CMPK2: variants seen among roughly 807,000 people sequenced by gnomAD.
CMPK2 encodes cytidine/uridine monophosphate kinase 2.
In CMPK2, 32 loss-of-function variants were observed where a neutral mutation model predicts 33.4. The observed-to-expected ratio is 0.96, with a 90% confidence interval of 0.72 to 1.29. The LOEUF is 1.29. CMPK2 is among the 50% of genes most tolerant of loss of function. CMPK2 has a pLI of 0.00. For missense variants in CMPK2, 672 were observed against 616.0 expected, an observed-to-expected ratio of 1.09 and a Z score of -0.96; for synonymous variants, 299 against 275.3, an observed-to-expected ratio of 1.09 and a Z score of -0.85.
chr2:6,859,186 T>TTTCTAAGTCA (rs1662800513), intron 3 of CMPK2, among the ~76,000 whole-genome samples: 1 of 152,222 alleles, frequency 6.6e-6, no homozygotes. Flanking sequence ...CAGCAAAGCA[T>TTTCTAAGTCA]TCAAGAGGTG....
At chr2:6,859,360 A>T (rs1662806207) in intron 3 of CMPK2, among the ~76,000 whole-genome samples, 1 of 152,234 alleles carries the variant, frequency 6.6e-6, no homozygotes, top group Admixed American at 6.5e-5. Flanking sequence ...CCAAATGTTA[A>T]TCACCAAGAC....
At chr2:6,857,647 T>TG (rs1468955436) in intron 3 of CMPK2, among the ~76,000 whole-genome samples, 2 of 149,506 alleles carry the variant, frequency 1.3e-5, no homozygotes, top group Admixed American at 6.6e-5. Context: ...TTCTTTTTTT[T>TG]TTTTTTTGAG....
rs1662458813 is a variant in CMPK2, at chr2:6,849,788, G to C, written c.*62C>G. 6.2e-7 allele frequency: 1 copy of C among 1,604,614 alleles called. No homozygotes were observed. The highest frequency in any genetic ancestry group is 1.1e-5 in the South Asian group (1 of 88,868). On this transcript the variant is annotated 3_prime_UTR_variant, in exon 5 of 5. Coordinates refer to ENST00000256722, the MANE Select transcript of CMPK2 (RefSeq NM_207315.4). ...AATTTGGGAACACTGCATAACAAAT[G>C]GTGGATGTAGATGTTTCAAACAACA...
At chr2:6,854,188 T>G (rs1457374255) in intron 3 of CMPK2, among the ~76,000 whole-genome samples, 2 of 152,210 alleles carry the variant, frequency 1.3e-5, no homozygotes, top group Non-Finnish European at 2.9e-5. Flanking sequence ...TACACCATGG[T>G]CAGCACATGC....
chr2:6,865,939 C>T, upstream of CMPK2: 1 of 1,342,962 alleles, frequency 7.4e-7, no homozygotes, highest in South Asian at 1.4e-5. Context: ...CGGGAGCAGA[C>T]GCTTGGCCCC....
At chr2:6,855,726 C>T (rs577436611) in intron 3 of CMPK2, among the ~76,000 whole-genome samples, 1 of 152,278 alleles carries the variant, frequency 6.6e-6, no homozygotes, top group African/African-American at 2.4e-5. Context: ...TAAAACTACT[C>T]AAGGGCCATC....
At chr2:6,857,599 T>G (rs1372055920) in intron 3 of CMPK2, among the ~76,000 whole-genome samples, 1 of 150,976 alleles carries the variant, frequency 6.6e-6, no homozygotes, top group Non-Finnish European at 1.5e-5. Context: ...ATTACAGGTG[T>G]GAGCCACTGC....
At position 6,865,208 on chromosome 2, in the gene CMPK2, C is replaced by T; in HGVS notation, c.489G>A (p.Glu163=). 6.5e-7 allele frequency: 1 copy of T among 1,534,700 alleles called. No homozygotes were observed. The highest frequency in any genetic ancestry group is 8.7e-7 in the Non-Finnish European group (1 of 1,145,478). The part of the protein sequence containing the change: ...CQEAPRPHLG[E]FEADPRGQLW... ...GCTGGCCGCGCGGGTCGGCCTCGAA[C>T]TCGCCCAAGTGCGGGCGTGGTGCCT... The change falls in exon 1 of 5, where the codon GAG becomes GAA. Residue 163 remains glutamate, a synonymous_variant. Transcript: ENST00000256722.
At position 6,848,536 on chromosome 2, in the gene CMPK2, T is replaced by C; in HGVS notation, c.*1314A>G. ...ATTACATTTTAATATACACATATTA[T>C]ATAGAAATTACCTATAGCTCTTTTA... On this transcript the variant is annotated 3_prime_UTR_variant, in exon 5 of 5. Transcript: ENST00000256722. The C allele has an allele frequency of 1.1e-6, 1 of 950,094 alleles. No homozygotes were observed. The highest frequency in any genetic ancestry group is 1.3e-6 in the Non-Finnish European group (1 of 797,828). 58.9% of individuals were successfully genotyped at this position (950,094 alleles called of 1,614,324 possible).
intron 4 of CMPK2, chr2:6,850,951 T>G: frequency 1.0e-6 from 1 of 989,828 alleles, no homozygotes; most frequent in Non-Finnish European, 1.2e-6. Flanking sequence ...AATCCCGGTT[T>G]TACTAGTGAA....
chr2:6,845,430 G>C (rs1280208065), downstream of CMPK2, among the ~76,000 whole-genome samples: 3 of 152,196 alleles, frequency 2.0e-5, no homozygotes, highest in East Asian at 1.9e-4. Flanking sequence ...CGTTACCCAG[G>C]GTGGAGGGAA....
At chr2:6,861,461 G>A (rs553191186) in intron 2 of CMPK2, 76 bp from the exon 3 acceptor site, 12 of 1,108,864 alleles carry the variant, frequency 1.1e-5, no homozygotes, top group African/African-American at 1.6e-5. Flanking sequence ...GAGCACAGAC[G>A]TTCTCTCAAA....
downstream of CMPK2, among the ~76,000 whole-genome samples, chr2:6,845,508 G>A (rs553710200): frequency 5.3e-5 from 8 of 152,196 alleles, no homozygotes; most frequent in Admixed American, 2.0e-4. Flanking sequence ...CATAGGTGCC[G>A]CCCCATGGAT....
At chr2:6,847,338 A>G (rs1414581407), downstream of CMPK2, among the ~76,000 whole-genome samples, 1 of 152,236 alleles carries the variant, frequency 6.6e-6, no homozygotes, top group East Asian at 1.9e-4. Flanking sequence ...CCACGCCCAC[A>G]AAAGGAGAAA....
intron 2 of CMPK2, 148 bp downstream of exon 2, chr2:6,863,316 T>C: frequency 1.6e-6 from 1 of 639,790 alleles, no homozygotes; most frequent in Non-Finnish European, 2.8e-6. Flanking sequence ...CATCTCTGCA[T>C]CCCAGGGCCT....
chr2:6,848,304 AG>A (rs1662414153), downstream of CMPK2: 1 of 957,026 alleles, frequency 1.0e-6, no homozygotes, highest in Admixed American at 6.2e-5. Context: ...ATATGTACCC[AG>A]GATGACAGCA....
Position 6,865,109 on chromosome 2 carries a change from C to T in CMPK2, c.588G>A (p.Pro196=). Residue 196 remains proline, a synonymous_variant, in exon 1 of 5, where the codon CCG becomes CCA. Coordinates refer to ENST00000256722, the MANE Select transcript of CMPK2 (RefSeq NM_207315.4). ...GCACCACCGGGTGCAGCGGGGGCTC[C>T]GGGACGGGCACGACCTGTGCGCAGC... The part of the protein sequence containing the change: ...QVGCAQVVPV[P]EPPLHPVVPD... 1.3e-6 allele frequency: 2 copies of T among 1,505,780 alleles called. No homozygotes were observed. The highest frequency in any genetic ancestry group is 1.4e-5 in the African/African-American group (1 of 69,170). The allele number at this position is 1,505,780 out of a possible 1,614,324, so 93.3% of individuals were successfully genotyped here.
In CMPK2 at chr2:6,865,583, G is replaced by C. The variant is rs1226546707; in HGVS notation, c.114C>G (p.Pro38=). 2 of 1,383,132 alleles carry C rather than the reference G, an allele frequency of 1.4e-6. No individual in the cohort carries two copies. Among genetic ancestry groups the C allele is most frequent in the Admixed American group, 2.9e-5 (1 of 34,078 alleles). The allele number at this position is 1,383,132 out of a possible 1,614,324, so 85.7% of individuals were successfully genotyped here. Residue 38 remains proline (P), a synonymous_variant, in exon 1 of 5, where the codon CCC becomes CCG. Transcript: ENST00000256722. Reference sequence around the variant, plus strand: ...GGGCGAAGTGAGCCAGGGTGCAGTCGGGAAGCTCCAGGACGAAGCGGCGCG... The same window carrying C: ...GGGCGAAGTGAGCCAGGGTGCAGTCCGGAAGCTCCAGGACGAAGCGGCGCG... ...APPRRFVLEL[P]DCTLAHFALG...
In CMPK2 at chr2:6,849,567, T is replaced by C. The variant is rs1399866197; in HGVS notation, c.*283A>G. On this transcript the variant is annotated 3_prime_UTR_variant, in exon 5 of 5. Transcript: ENST00000256722. ...GACAGGTCTTCCAGATATTTGGTAGTGATTAAGTGAAACATATGTTCCAAG... is the reference window on the plus strand; with the variant it reads ...GACAGGTCTTCCAGATATTTGGTAGCGATTAAGTGAAACATATGTTCCAAG... 2 of 1,169,608 alleles carry C rather than the reference T, an allele frequency of 1.7e-6. No homozygotes were observed. Among genetic ancestry groups the C allele is most frequent in the East Asian group, 6.3e-5 (1 of 15,846 alleles). 72.5% of individuals were successfully genotyped at this position (1,169,608 alleles called of 1,614,324 possible).
Sources: gnomAD v4.1 joint callset for allele counts (sites outside exome capture counted in the v4.1 genomes callset) on GRCh38, gnomAD v4.1.1 for gene constraint, MANE v1.5 for transcripts, NCBI Gene and HGNC (gene_info 2026-07-23, HGNC 2026-07-21) for gene names.